Variants in COL6A6 observed in about 807,000 individuals in gnomAD.
COL6A6 encodes collagen type VI alpha 6 chain.
A neutral mutation model predicts 208.6 loss-of-function variants in COL6A6; 183 were observed. That is an observed-to-expected ratio of 0.88 (90% CI 0.78 to 0.99). The LOEUF is 0.99. Among genes scored for constraint, COL6A6 ranks in the 50% least tolerant of loss-of-function variants. COL6A6 has a pLI of 0.00. For missense variants in COL6A6, 2,816 were observed against 2,815.2 expected (o/e 1.00, Z -0.01); for synonymous variants, 973 against 1,011.8 (o/e 0.96, Z 0.73).
chr3:130,521,013 C>A (rs1400946898), intron 1 of COL6A6, among the ~76,000 whole-genome samples: 2 of 152,154 alleles, frequency 1.3e-5, no homozygotes, highest in Non-Finnish European at 2.9e-5. Flanking sequence ...CCAACTTAGT[C>A]TTGCAAATGT....
chr3:130,571,515 A>T (rs1445794014), intron 7 of COL6A6, 122 bp downstream of exon 7: 1 of 662,892 alleles, frequency 1.5e-6, no homozygotes, highest in Non-Finnish European at 2.5e-6. Context: ...TAATTGTTTC[A>T]TAGGACTTTC....
chr3:130,661,859 C>T lies in COL6A6; in HGVS notation c.6053C>T (p.Pro2018Leu). Residue 2018 changes from proline to leucine, a missense_variant, in exon 35 of 37, where the codon CCC becomes CTC. Pro to Leu is a moderately conservative substitution (Grantham distance 98). Transcript: ENST00000358511. ...DRVALLSHAP[P>L]DFLPNTQKSP... ...GTGGCCCTATTGAGCCATGCTCCCC[C>T]CGACTTCCTACCCAACACTCAGAAG... 1.2e-6 allele frequency: 2 copies of T among 1,613,938 alleles called. No homozygotes were observed. Among genetic ancestry groups the T allele is most frequent in the Non-Finnish European group, 8.5e-7 (1 of 1,179,872 alleles).
intron 1 of COL6A6, among the ~76,000 whole-genome samples, chr3:130,557,779 C>T (rs16829374): frequency 0.016 from 2,462 of 152,176 alleles, 68 homozygotes; most frequent in African/African-American, 0.054. Flanking sequence ...TCTGAGACTC[C>T]GCGTTCTTAA....
In COL6A6 at chr3:130,593,252, G is replaced by C; in HGVS notation, c.4470G>C (p.Gln1490His). 1 of 1,610,506 alleles carries C rather than the reference G, an allele frequency of 6.2e-7. No individual in the cohort carries two copies. Among genetic ancestry groups the C allele is most frequent in the Non-Finnish European group, 8.5e-7 (1 of 1,176,766 alleles). ...GAGAAAAGGGAGATGAGGGATCTCA[G>C]GTAGGGATTTGAAAAGGAAGAACAT... Reference protein sequence around the residue: ...RKGEKGDEGSQGSPGKRGTPG... With the variant: ...RKGEKGDEGSHGSPGKRGTPG... Residue 1490 changes from glutamine (Q) to histidine (H), a missense_variant and splice_region_variant, in exon 17 of 37, where the codon CAG becomes CAC. Transcript: ENST00000358511.
intron 20 of COL6A6, among the ~76,000 whole-genome samples, chr3:130,602,873 A>G (rs1408901636): frequency 6.6e-6 from 1 of 152,172 alleles, no homozygotes; most frequent in Non-Finnish European, 1.5e-5. Context: ...CTGTATTCAA[A>G]TATTTTTTAA....
At chr3:130,561,341 C>G (rs906556411) in intron 2 of COL6A6, among the ~76,000 whole-genome samples, 2 of 152,212 alleles carry the variant, frequency 1.3e-5, no homozygotes, top group Non-Finnish European at 2.9e-5. Context: ...GATACACTCT[C>G]ACTTATTTCT....
rs762018525 is a variant in COL6A6 at position 130,570,793 on chromosome 3, G to GT, written c.2402-22dup. 3.3e-5 allele frequency: 52 copies of GT among 1,577,898 alleles called. No individual in the cohort carries two copies. In the African/African-American group the frequency reaches 6.3e-4, roughly 19 times the overall value. ...TGCTGTCCAAAGCTAATCTCATATG[G>GT]TTTACCTCTCTCTTCCTCTTTCAGA... On this transcript the variant is annotated intron_variant, in intron 6 of 36. Coordinates refer to ENST00000358511, the MANE Select transcript of COL6A6 (RefSeq NM_001102608.3).
intron 26 of COL6A6, among the ~76,000 whole-genome samples, chr3:130,627,704 C>T (rs962143410): frequency 1.3e-5 from 2 of 152,138 alleles, no homozygotes; most frequent in African/African-American, 2.4e-5. Context: ...CAAAATCAGT[C>T]CTCTTATTAT....
At chr3:130,647,660 G>C (rs2065500206) in intron 32 of COL6A6, among the ~76,000 whole-genome samples, 1 of 152,200 alleles carries the variant, frequency 6.6e-6, no homozygotes, top group Non-Finnish European at 1.5e-5. Flanking sequence ...ACTAAGGTGG[G>C]CAAGGCCCAG....
At chr3:130,542,898 C>CT (rs56339748) in intron 1 of COL6A6, among the ~76,000 whole-genome samples, 947 of 92,546 alleles carry the variant, frequency 0.01, 32 homozygotes, top group Non-Finnish European at 0.013. Flanking sequence ...TCCATTCACT[C>CT]TTTTTTTTTT....
At chr3:130,638,445 G>A (rs576880194) in intron 28 of COL6A6, among the ~76,000 whole-genome samples, 21 of 152,286 alleles carry the variant, frequency 1.4e-4, no homozygotes, top group Middle Eastern at 3.4e-3. Context: ...ACCTGATGGA[G>A]GTTCGTCTGT....
At chr3:130,640,526 T>G (rs1426997955) in intron 28 of COL6A6, among the ~76,000 whole-genome samples, 12 of 152,230 alleles carry the variant, frequency 7.9e-5, no homozygotes, top group African/African-American at 2.9e-4. Flanking sequence ...GTCAATATCA[T>G]TGGAATGCCC....
intron 22 of COL6A6, among the ~76,000 whole-genome samples, chr3:130,609,511 ACATGAGGGGTTG>A (rs989116958): frequency 3.2e-4 from 48 of 152,302 alleles, no homozygotes; most frequent in African/African-American, 1.0e-3. Context: ...TACACTGATC[ACATGAGGGGTTG>A]CATGAGGGGT....
chr3:130,594,435 C>T (rs1484979697), intron 18 of COL6A6, 92 bp downstream of exon 18: 2 of 985,370 alleles, frequency 2.0e-6, no homozygotes, highest in African/African-American at 3.3e-5. Flanking sequence ...ACAATAGTAA[C>T]CCTGAGTTTA....
Position 130,642,977 on chromosome 3 carries a change from C to T in COL6A6, c.5191-10C>T, listed in dbSNP as rs1384855532. Reference sequence around the variant, plus strand: ...TGTTTAATTGTTTCTGTTTTATTTTCGAACTGCAGACATGTGAGCTCATTC... The same window carrying T: ...TGTTTAATTGTTTCTGTTTTATTTTTGAACTGCAGACATGTGAGCTCATTC... On this transcript the variant is annotated splice_polypyrimidine_tract_variant and intron_variant, in intron 30 of 36. Transcript: ENST00000358511. The T allele has an allele frequency of 6.2e-6, 10 of 1,613,812 alleles. No individual in the cohort carries two copies. Among genetic ancestry groups the T allele is most frequent in the South Asian group, 2.2e-5 (2 of 91,050 alleles).
chr3:130,562,961 A>G, intron 2 of COL6A6, 107 bp from the exon 3 acceptor site: 2 of 776,076 alleles, frequency 2.6e-6, no homozygotes, highest in East Asian at 2.5e-5. Context: ...TTGGGAAGGT[A>G]TTTTAAAAAT....
Position 130,546,535 on chromosome 3 carries a change from C to T in COL6A6, c.-31-13799C>T, listed in dbSNP as rs148526233. Among the ~76,000 whole-genome samples, 11 of 152,312 alleles carry T rather than the reference C, an allele frequency of 7.2e-5. No individual in the cohort carries two copies. In the East Asian group the frequency reaches 1.7e-3, roughly 24 times the overall value. On this transcript the variant is annotated intron_variant, in intron 1 of 36. Coordinates refer to ENST00000358511, the MANE Select transcript of COL6A6 (RefSeq NM_001102608.3). The stretch of plus-strand genomic sequence containing the variant: ...TACCTTTGCTGGCTCAGGCAGCCTG[C>T]GTTTATTCCCTTATCTGACCCCACC...
intron 7 of COL6A6, 25 bp downstream of exon 7, chr3:130,571,418 C>T: frequency 6.7e-7 from 1 of 1,500,710 alleles, no homozygotes; most frequent in Non-Finnish European, 8.9e-7. Flanking sequence ...CTAAGTTTTT[C>T]CTAATTATTA....
intron 10 of COL6A6, 42 bp downstream of exon 10, chr3:130,582,110 T>G (rs1455324781): frequency 8.1e-7 from 1 of 1,240,744 alleles, no homozygotes; most frequent in Non-Finnish European, 1.1e-6. Flanking sequence ...CTTATTAACT[T>G]TATAATCTCA....
Sources: gnomAD v4.1 joint callset for allele counts (sites outside exome capture counted in the v4.1 genomes callset) on GRCh38, gnomAD v4.1.1 for gene constraint, MANE v1.5 for transcripts, NCBI Gene and HGNC (gene_info 2026-07-23, HGNC 2026-07-21) for gene names.